CAMTA1: variants seen among roughly 807,000 people sequenced by gnomAD.
CAMTA1 encodes calmodulin-binding transcription activator 1.
A neutral mutation model predicts 170.9 loss-of-function variants in CAMTA1; 27 were observed. The observed-to-expected ratio is 0.16, with a 90% CI of 0.12 to 0.22. CAMTA1 has a LOEUF of 0.22. CAMTA1 is among the 10% of genes least tolerant of loss of function. CAMTA1 has a pLI of 1.00. For synonymous variants in CAMTA1, 833 were observed against 891.5 expected, an observed-to-expected ratio of 0.93 and a Z score of 1.17; for missense variants, 1,619 against 2,217.2, an observed-to-expected ratio of 0.73 and a Z score of 5.42.
chr1:7,702,643 T>C (rs2096454133), intron 11 of CAMTA1, among the ~76,000 whole-genome samples: 1 of 152,244 alleles, frequency 6.6e-6, no homozygotes, highest in African/African-American at 2.4e-5. Context: ...CTCAAGGAGA[T>C]GAGGGCTGTC....
At chr1:7,111,317 G>A (rs1191769149) in intron 4 of CAMTA1, among the ~76,000 whole-genome samples, 1 of 152,204 alleles carries the variant, frequency 6.6e-6, no homozygotes, top group East Asian at 1.9e-4. Flanking sequence ...TTAGGACATG[G>A]ACATCTGGGG....
At chr1:7,107,303 C>CGTGT (rs1318372960) in intron 4 of CAMTA1, among the ~76,000 whole-genome samples, 1 of 144,650 alleles carries the variant, frequency 6.9e-6, no homozygotes, top group African/African-American at 2.6e-5. Flanking sequence ...TGTGTGTGTG[C>CGTGT]GCGCCCACAC....
In CAMTA1 at chr1:7,679,583, C is replaced by G. The variant is rs1003804253; in HGVS notation, c.2914+1850C>G. ...GCACCTGCTCCCTAGCTGCCCCCCC[C>G]CCCAGAACTTTGAGCTCTGAACTCT... On this transcript the variant is annotated intron_variant, in intron 11 of 22. Coordinates refer to ENST00000303635, the MANE Select transcript of CAMTA1 (RefSeq NM_015215.4). 7.3e-5 allele frequency among the ~76,000 whole-genome samples: 11 copies of G among 149,876 alleles called. 1 individual carries two copies. The highest frequency in any genetic ancestry group is 2.6e-4 in the Admixed American group (4 of 15,218).
rs116515075 is a variant in CAMTA1 at position 7,255,852 on chromosome 1, G to A, written c.438+6226G>A. On this transcript the variant is annotated intron_variant, in intron 5 of 22. Transcript: ENST00000303635. ...CCTGTGATTCAGTCCTGGCAGATAC[G>A]TTTATCCTCGTTGGTTGTGCATCTG... 6.5e-3 allele frequency among the ~76,000 whole-genome samples: 997 copies of A among 152,270 alleles called. 9 individuals carry two copies. The highest frequency in any genetic ancestry group is 0.022 in the African/African-American group (935 of 41,558).
chr1:7,337,344 C>G (rs1469271019), intron 5 of CAMTA1, among the ~76,000 whole-genome samples: 2 of 152,218 alleles, frequency 1.3e-5, no homozygotes, highest in African/African-American at 4.8e-5. Context: ...TTTCATCTGT[C>G]AATTTGACCC....
intron 1 of CAMTA1, chr1:6,806,903 G>A (rs1644576948): frequency 2.4e-6 from 1 of 416,770 alleles, no homozygotes; most frequent in Non-Finnish European, 4.3e-6. Flanking sequence ...TCCCGCAGGG[G>A]CCACGTGAAC....
chr1:6,819,303 T>C (rs578160446), intron 1 of CAMTA1, among the ~76,000 whole-genome samples: 61 of 132,366 alleles, frequency 4.6e-4, no homozygotes, highest in Admixed American at 2.4e-3. Context: ...CAAAAAATTT[T>C]CTTTTTTTTT....
chr1:7,090,321 G>T (rs1194445014), intron 3 of CAMTA1, among the ~76,000 whole-genome samples: 2 of 152,206 alleles, frequency 1.3e-5, no homozygotes, highest in African/African-American at 4.8e-5. Flanking sequence ...CAGGCAGAGG[G>T]GCTGCTACCT....
In CAMTA1 at chr1:7,532,408, A is replaced by G. The variant is rs1229018764; in HGVS notation, c.510+64507A>G. Among the ~76,000 whole-genome samples, 3 of 151,256 alleles carry G rather than the reference A, an allele frequency of 2.0e-5. No homozygotes were observed. The highest frequency in any genetic ancestry group is 7.3e-5 in the African/African-American group (3 of 41,026). On this transcript the variant is annotated intron_variant, in intron 6 of 22. Coordinates refer to ENST00000303635, the MANE Select transcript of CAMTA1 (RefSeq NM_015215.4). This position sits in a 1 kb window ranked among gnomAD's most constrained non-coding sequence, Gnocchi z 4.2. ...CCTCCTGGGCTCAAGTGATCCTCCC[A>G]CCTCAGCCTCCCAAGTATCTGGGAC...
chr1:6,840,460 G>A (rs1254759494), intron 3 of CAMTA1, among the ~76,000 whole-genome samples: 2 of 152,258 alleles, frequency 1.3e-5, no homozygotes, highest in East Asian at 3.9e-4. Context: ...GGGATTGGAT[G>A]TAGGGGGTAA....
chr1:7,729,854 T>G (rs2096718651), intron 11 of CAMTA1, among the ~76,000 whole-genome samples: 1 of 152,276 alleles, frequency 6.6e-6, no homozygotes, highest in Non-Finnish European at 1.5e-5. Context: ...TTCTCTCACA[T>G]GGAACCGTCG....
At chr1:7,176,890 G>C (rs774551409) in intron 4 of CAMTA1, among the ~76,000 whole-genome samples, 3 of 152,042 alleles carry the variant, frequency 2.0e-5, no homozygotes, top group Non-Finnish European at 4.4e-5. Context: ...ACTTCCCACT[G>C]GGCAGAAGTG....
intron 5 of CAMTA1, 105 bp from the exon 6 acceptor site, chr1:7,467,725 G>A (rs2093245026): frequency 2.9e-6 from 3 of 1,052,078 alleles, no homozygotes; most frequent in Middle Eastern, 2.0e-4. Flanking sequence ...CTGGGCCGCT[G>A]CCAGGCGGCT....
At chr1:7,081,584 C>G (rs72640065) in intron 3 of CAMTA1, among the ~76,000 whole-genome samples, 1 of 152,298 alleles carries the variant, frequency 6.6e-6, no homozygotes, top group Non-Finnish European at 1.5e-5. Context: ...CATGGTCTTA[C>G]AGTGCACCCA....
chr1:7,143,291 C>T (rs929449013), intron 4 of CAMTA1, among the ~76,000 whole-genome samples: 37 of 152,322 alleles, frequency 2.4e-4, no homozygotes, highest in African/African-American at 8.7e-4. Context: ...TAGCAGCCTC[C>T]ATTCTCATCA....
chr1:7,057,869 C>T (rs1252708293), intron 3 of CAMTA1, among the ~76,000 whole-genome samples: 1 of 152,264 alleles, frequency 6.6e-6, no homozygotes, highest in Non-Finnish European at 1.5e-5. Context: ...TTTGGAGCCA[C>T]AGCTGGTAAG....
At chr1:7,602,053 G>A (rs965780320) in intron 6 of CAMTA1, among the ~76,000 whole-genome samples, 1 of 149,290 alleles carries the variant, frequency 6.7e-6, no homozygotes, top group Non-Finnish European at 1.5e-5. Flanking sequence ...AGGAGGGAGA[G>A]GGAGAGGAGG....
chr1:7,291,338 G>A (rs932036383), intron 5 of CAMTA1, among the ~76,000 whole-genome samples: 2 of 152,168 alleles, frequency 1.3e-5, no homozygotes, highest in Admixed American at 6.5e-5. Flanking sequence ...CTAGGCTATG[G>A]AGTCAGCCTG....
intron 11 of CAMTA1, among the ~76,000 whole-genome samples, chr1:7,714,966 A>T (rs543395966): frequency 1.1e-4 from 16 of 152,280 alleles, no homozygotes; most frequent in African/African-American, 3.8e-4. Flanking sequence ...GTTCAGCCCC[A>T]TTTGGGACTC....
Sources: gnomAD v4.1 joint callset for allele counts (sites outside exome capture counted in the v4.1 genomes callset) on GRCh38, gnomAD v4.1.1 for gene constraint, Gnocchi (gnomAD v3.1) non-coding constraint, MANE v1.5 for transcripts, NCBI Gene and HGNC (gene_info 2026-07-23, HGNC 2026-07-21) for gene names.